The following SLC1A3 variants were observed in gnomAD, a reference collection of about 807,000 sequenced individuals.
SLC1A3 encodes the protein excitatory amino acid transporter 1.
SLC1A3 carries 21 observed loss-of-function variants against 48.1 expected under a neutral mutation model. The observed-to-expected ratio is 0.44, with a 90% CI of 0.31 to 0.63. SLC1A3 has a LOEUF of 0.63. SLC1A3 is among the 20% of genes least tolerant of loss of function. The probability of loss-of-function intolerance (pLI) is 0.08; values close to 1 mark genes in which losing one functional copy is unlikely to be tolerated. For missense variants in SLC1A3, 546 were observed against 689.0 expected, an observed-to-expected ratio of 0.79 and a Z score of 2.32; for synonymous variants, 239 against 251.4, an observed-to-expected ratio of 0.95 and a Z score of 0.47.
At chr5:36,683,089 A>G (rs78502723) in intron 8 of SLC1A3, among the ~76,000 whole-genome samples, 2 of 152,366 alleles carry the variant, frequency 1.3e-5, no homozygotes, top group East Asian at 3.9e-4. Flanking sequence ...AAACTAAGAA[A>G]CCAAATTTGA....
chr5:36,682,947 C>G (rs1207673780), intron 8 of SLC1A3, among the ~76,000 whole-genome samples: 1 of 152,218 alleles, frequency 6.6e-6, no homozygotes, highest in Non-Finnish European at 1.5e-5. Context: ...CCACTTATAA[C>G]CAGATAATAC....
intron 3 of SLC1A3, among the ~76,000 whole-genome samples, chr5:36,666,792 C>G (rs1432807102): frequency 6.6e-6 from 1 of 152,210 alleles, no homozygotes; most frequent in East Asian, 1.9e-4. Context: ...TATAGACTTA[C>G]AGAGTACCAC....
chr5:36,611,280 T>TA (rs11336594), intron 2 of SLC1A3, among the ~76,000 whole-genome samples: 18,755 of 132,282 alleles, frequency 0.14, 1,636 homozygotes, highest in African/African-American at 0.26. Context: ...TTGCTTTTAG[T>TA]AAAAAAAAAA....
At chr5:36,649,602 T>A (rs139127719) in intron 3 of SLC1A3, among the ~76,000 whole-genome samples, 5 of 152,332 alleles carry the variant, frequency 3.3e-5, no homozygotes, top group African/African-American at 1.2e-4. Context: ...CCAACAGATT[T>A]ATTCTAAAAC....
intron 6 of SLC1A3, among the ~76,000 whole-genome samples, chr5:36,678,252 TG>T (rs1742291889): frequency 6.6e-6 from 1 of 152,236 alleles, no homozygotes; most frequent in South Asian, 2.1e-4. Flanking sequence ...TTCAGGAATT[TG>T]TACAAGATGG....
chr5:36,647,795 A>G (rs2111833553), intron 3 of SLC1A3, among the ~76,000 whole-genome samples: 1 of 152,318 alleles, frequency 6.6e-6, no homozygotes, highest in East Asian at 1.9e-4. Flanking sequence ...TATTTTTGCC[A>G]TTGAAAACTG....
intron 3 of SLC1A3, among the ~76,000 whole-genome samples, chr5:36,654,141 C>T (rs951370465): frequency 1.3e-5 from 2 of 152,228 alleles, no homozygotes; most frequent in Non-Finnish European, 2.9e-5. Flanking sequence ...CACGCCCAGC[C>T]TAATGTTTTC....
Position 36,680,407 on chromosome 5 carries a change from A to G in SLC1A3, c.1107A>G (p.Leu369=). Residue 369 remains leucine (L), a synonymous_variant, in exon 8 of 10, where the codon CTA becomes CTG. Coordinates refer to ENST00000265113, the MANE Select transcript of SLC1A3 (RefSeq NM_004172.5). Reference sequence around the variant, plus strand: ...TCACTGTTCTCAGTTCTGCCACCCTACCCATCACCTTCAAGTGCCTGGAAG... The same window carrying G: ...TCACTGTTCTCAGTTCTGCCACCCTGCCCATCACCTTCAAGTGCCTGGAAG... ...ALGTSSSSAT[L]PITFKCLEEN... is the part of the protein sequence containing the mutation. The G allele has an allele frequency of 2.5e-6, 4 of 1,613,976 alleles. No individual in the cohort carries two copies. The highest frequency in any genetic ancestry group is 3.4e-6 in the Non-Finnish European group (4 of 1,179,966).
At chr5:36,670,249 T>C (rs193239168) in intron 3 of SLC1A3, among the ~76,000 whole-genome samples, 79 of 152,316 alleles carry the variant, frequency 5.2e-4, no homozygotes, top group Admixed American at 3.2e-3. Flanking sequence ...ACTTTGAAGA[T>C]GTTCTGAAAA....
At chr5:36,654,334 G>T (rs1270090068) in intron 3 of SLC1A3, among the ~76,000 whole-genome samples, 1 of 152,194 alleles carries the variant, frequency 6.6e-6, no homozygotes, top group Non-Finnish European at 1.5e-5. Flanking sequence ...ATGAAGGGTG[G>T]TTTGTGTATC....
In SLC1A3 at chr5:36,608,619, T is replaced by C; in HGVS notation, c.181+15T>C. On this transcript the variant is annotated intron_variant, in intron 2 of 9. Transcript: ENST00000265113. ...TGTCATTGTGGGTGAGTCATTTGAT[T>C]AAAAACAAAAAAACCTGTATCTTGT... is the stretch of plus-strand genomic sequence containing the variant. The C allele has an allele frequency of 6.3e-7, 1 of 1,592,636 alleles. No individual in the cohort carries two copies. The highest frequency in any genetic ancestry group is 8.5e-7 in the Non-Finnish European group (1 of 1,177,206).
intron 3 of SLC1A3, among the ~76,000 whole-genome samples, chr5:36,650,776 A>G (rs1034221847): frequency 1.3e-5 from 2 of 152,230 alleles, no homozygotes; most frequent in African/African-American, 2.4e-5. Context: ...GTACAAGTCA[A>G]TTGGCCAAAG....
intron 2 of SLC1A3, among the ~76,000 whole-genome samples, chr5:36,618,330 C>A (rs563475516): frequency 6.6e-6 from 1 of 152,288 alleles, no homozygotes; most frequent in Admixed American, 6.5e-5. Context: ...AAGCCTTCAC[C>A]CCCTACCACC....
chr5:36,639,323 T>A (rs1740519645), intron 3 of SLC1A3, among the ~76,000 whole-genome samples: 1 of 152,250 alleles, frequency 6.6e-6, no homozygotes, highest in Non-Finnish European at 1.5e-5. Flanking sequence ...ACACAATCGC[T>A]GCTAAAACAT....
chr5:36,648,052 G>A (rs773290109), intron 3 of SLC1A3, among the ~76,000 whole-genome samples: 1 of 151,974 alleles, frequency 6.6e-6, no homozygotes. Flanking sequence ...TTTAATTAAC[G>A]CATTAATTAT....
intron 2 of SLC1A3, among the ~76,000 whole-genome samples, chr5:36,627,932 CCCT>C (rs1342803985): frequency 2.0e-5 from 3 of 152,124 alleles, no homozygotes; most frequent in Non-Finnish European, 4.4e-5. Context: ...TAAAATAGTA[CCCT>C]CCTCCTGGGG....
At chr5:36,597,634 C>CT (rs1738760301) in intron 1 of SLC1A3, among the ~76,000 whole-genome samples, 3 of 152,160 alleles carry the variant, frequency 2.0e-5, no homozygotes, top group Admixed American at 6.5e-5. Flanking sequence ...CACTCCTCAA[C>CT]TTGTCCTGAC....
Position 36,606,729 on chromosome 5 carries a change from A to T in SLC1A3, c.-102A>T, listed in dbSNP as rs990827176. The stretch of plus-strand genomic sequence containing the variant: ...GATATCTTCCACCCCTTACAAAATC[A>T]GAAAAGGTAAGTGTCACATTCTGTG... On this transcript the variant is annotated 5_prime_UTR_variant, in exon 1 of 10. Transcript: ENST00000265113. 3.3e-5 allele frequency: 5 copies of T among 152,238 alleles called. No homozygotes were observed. Among genetic ancestry groups the T allele is most frequent in the African/African-American group, 1.2e-4 (5 of 41,450 alleles). The allele number at this position is 152,238 out of a possible 1,614,324, so 9.4% of individuals were successfully genotyped here.
Position 36,629,607 on chromosome 5 carries a change from G to T in SLC1A3, c.319+20G>T, listed in dbSNP as rs746925026. The stretch of plus-strand genomic sequence containing the variant: ...TCACAGGTACCATAAGCAGTTGTTG[G>T]TTTGTTTGGTTTTTTTTAAGTGTGT... On this transcript the variant is annotated intron_variant, in intron 3 of 9. Coordinates refer to ENST00000265113, the MANE Select transcript of SLC1A3 (RefSeq NM_004172.5). 3 of 1,608,166 alleles carry T rather than the reference G, an allele frequency of 1.9e-6. No individual in the cohort carries two copies. The highest frequency in any genetic ancestry group is 1.1e-5 in the South Asian group (1 of 90,950).
Sources: gnomAD v4.1 joint callset for allele counts (sites outside exome capture counted in the v4.1 genomes callset) on GRCh38, gnomAD v4.1.1 for gene constraint, MANE v1.5 for transcripts, NCBI Gene and HGNC (gene_info 2026-07-23, HGNC 2026-07-21) for gene names.